Variants in FAM222B observed in about 807,000 individuals in gnomAD.
FAM222B encodes the protein family with sequence similarity 222 member B.
Under a neutral mutation model 38.0 loss-of-function variants are expected in FAM222B, and 12 were observed. The ratio of observed to expected loss-of-function variants is 0.32; its 90% CI spans 0.20 to 0.51. FAM222B has a LOEUF of 0.51. FAM222B is among the 20% of genes least tolerant of loss of function. The pLI is 0.97. For missense variants in FAM222B, 716 were observed against 754.2 expected (o/e 0.95, Z 0.59); for synonymous variants, 329 against 317.2 (o/e 1.04, Z -0.40).
intron 1 of FAM222B, among the ~76,000 whole-genome samples, chr17:28,829,107 C>A (rs2038554513): frequency 6.6e-6 from 1 of 151,952 alleles, no homozygotes; most frequent in South Asian, 2.1e-4. Flanking sequence ...GATTTCACTA[C>A]ATTGGCCAGG....
chr17:28,852,370 C>T (rs933472409), intron 1 of FAM222B, among the ~76,000 whole-genome samples: 9 of 151,568 alleles, frequency 5.9e-5, no homozygotes, highest in African/African-American at 1.9e-4. Flanking sequence ...AAAAAATGTT[C>T]AGGCCAGGTA....
intron 1 of FAM222B, among the ~76,000 whole-genome samples, chr17:28,782,860 G>T (rs1469709424): frequency 6.6e-6 from 1 of 152,056 alleles, no homozygotes; most frequent in Non-Finnish European, 1.5e-5. Flanking sequence ...AAACTCGGCC[G>T]GGCGCGGTGG....
rs1442362340 is a variant in FAM222B at position 28,759,000 on chromosome 17, G to A, written c.959C>T (p.Pro320Leu). 1 of 1,612,868 alleles carries A rather than the reference G, an allele frequency of 6.2e-7. No homozygotes were observed. Among genetic ancestry groups the A allele is most frequent in the South Asian group, 1.1e-5 (1 of 90,828 alleles). The change falls in exon 3 of 3, where the codon CCT becomes CTT. Residue 320 changes from proline to leucine, a missense_variant. Pro to Leu is a moderately conservative substitution (Grantham distance 98). Transcript: ENST00000581407. ...CTCCATGGGATTGACCACACATGAAGGCATTGGTGTGGGGACGCTGTGGGT... is the reference window on the plus strand; with the variant it reads ...CTCCATGGGATTGACCACACATGAAAGCATTGGTGTGGGGACGCTGTGGGT... ...VSTHSVPTPMPSCVVNPMEHT... is the reference protein window; with the variant it reads ...VSTHSVPTPMLSCVVNPMEHT...
At chr17:28,817,690 G>A (rs2038073446) in intron 1 of FAM222B, among the ~76,000 whole-genome samples, 1 of 152,122 alleles carries the variant, frequency 6.6e-6, no homozygotes, top group South Asian at 2.1e-4. Context: ...TTGCACTCCA[G>A]CTTGGGCAAC....
chr17:28,776,525 C>T (rs532545928), intron 1 of FAM222B, among the ~76,000 whole-genome samples: 50 of 141,750 alleles, frequency 3.5e-4, no homozygotes, highest in Non-Finnish European at 5.1e-4. Context: ...GGCACAAACA[C>T]GGCTCACTGT....
chr17:28,764,738 C>T (rs1487343986), intron 2 of FAM222B, among the ~76,000 whole-genome samples: 6 of 151,776 alleles, frequency 4.0e-5, no homozygotes, highest in Non-Finnish European at 5.9e-5. Context: ...AAGAGCAAAA[C>T]TCTATCTAAA....
At chr17:28,809,665 A>G (rs1465331933) in intron 1 of FAM222B, among the ~76,000 whole-genome samples, 1 of 152,104 alleles carries the variant, frequency 6.6e-6, no homozygotes, top group Non-Finnish European at 1.5e-5. Context: ...GATCACACAA[A>G]TCAGTCAAAA....
At chr17:28,854,166 A>G (rs2039206528) in intron 1 of FAM222B, among the ~76,000 whole-genome samples, 1 of 151,930 alleles carries the variant, frequency 6.6e-6, no homozygotes, top group Non-Finnish European at 1.5e-5. Context: ...GATGGTCTCG[A>G]TCTCCTGACC....
chr17:28,777,117 A>T (rs2035932250), intron 1 of FAM222B: 1 of 152,178 alleles, frequency 6.6e-6, no homozygotes, highest in East Asian at 1.9e-4. Flanking sequence ...GGGACCGTAA[A>T]GTCACTTGCA....
intron 1 of FAM222B, among the ~76,000 whole-genome samples, chr17:28,769,003 A>G (rs1295649205): frequency 6.6e-6 from 1 of 151,968 alleles, no homozygotes; most frequent in Non-Finnish European, 1.5e-5. Flanking sequence ...GGGCTGTATG[A>G]GGGGCTTTAG....
At chr17:28,798,441 G>C (rs2037046123) in intron 1 of FAM222B, among the ~76,000 whole-genome samples, 4 of 152,064 alleles carry the variant, frequency 2.6e-5, no homozygotes, top group Admixed American at 2.6e-4. Context: ...AAAGTACTGG[G>C]TAGGGTAATA....
intron 1 of FAM222B, among the ~76,000 whole-genome samples, chr17:28,770,967 AATATGTGTGTGTAT>A (rs2035601554): frequency 6.6e-6 from 1 of 151,134 alleles, no homozygotes; most frequent in Non-Finnish European, 1.5e-5. Flanking sequence ...TGTGTGTATA[AATATGTGTGTGTAT>A]ATATATGTGT....
chr17:28,770,255 T>A (rs537198354), intron 1 of FAM222B, among the ~76,000 whole-genome samples: 107 of 152,354 alleles, frequency 7.0e-4, no homozygotes, highest in Non-Finnish European at 1.1e-3. Context: ...TCTCCATAAG[T>A]AACTGTTGAC....
At chr17:28,837,492 C>T (rs1351165861) in intron 1 of FAM222B, among the ~76,000 whole-genome samples, 1 of 151,660 alleles carries the variant, frequency 6.6e-6, no homozygotes, top group African/African-American at 2.4e-5. Flanking sequence ...CTGATTACCC[C>T]TCCTTGTATT....
chr17:28,769,640 G>C (rs1007930238), intron 1 of FAM222B, among the ~76,000 whole-genome samples: 3 of 152,158 alleles, frequency 2.0e-5, no homozygotes, highest in Non-Finnish European at 2.9e-5. Flanking sequence ...TATCTCTAAT[G>C]ACTTTCCATC....
intron 1 of FAM222B, among the ~76,000 whole-genome samples, chr17:28,822,324 G>C (rs2038255537): frequency 6.9e-6 from 1 of 145,594 alleles, no homozygotes; most frequent in Non-Finnish European, 1.5e-5. Context: ...CGGCCTAAAA[G>C]TATTTTTTAA....
chr17:28,788,792 A>G (rs1384780946), intron 1 of FAM222B, among the ~76,000 whole-genome samples: 1 of 152,076 alleles, frequency 6.6e-6, no homozygotes, highest in Non-Finnish European at 1.5e-5. Flanking sequence ...TCCAGGCTGG[A>G]GCGCAGTGAT....
upstream of FAM222B, among the ~76,000 whole-genome samples, chr17:28,846,202 C>CAA (rs35170639): frequency 0.25 from 29,581 of 120,454 alleles, 4,165 homozygotes; most frequent in African/African-American, 0.35. Flanking sequence ...GACTCCATCT[C>CAA]AAAAAAAAAA....
upstream of FAM222B, among the ~76,000 whole-genome samples, chr17:28,846,453 G>A (rs1303047660): frequency 6.6e-6 from 1 of 151,976 alleles, no homozygotes; most frequent in African/African-American, 2.4e-5. Flanking sequence ...AGGTGGAGTA[G>A]GCGGAGTTTG....
Sources: gnomAD v4.1 joint callset for allele counts (sites outside exome capture counted in the v4.1 genomes callset) on GRCh38, gnomAD v4.1.1 for gene constraint, MANE v1.5 for transcripts, NCBI Gene and HGNC (gene_info 2026-07-23, HGNC 2026-07-21) for gene names.